STAM2: variants seen among roughly 807,000 people sequenced by gnomAD.
STAM2 encodes the protein signal transducing adapter molecule 2.
STAM2 carries 51 observed loss-of-function variants against 65.6 expected under a neutral mutation model. The ratio of observed to expected loss-of-function variants is 0.78; its 90% confidence interval spans 0.62 to 0.98. The LOEUF (loss-of-function observed/expected upper bound fraction) is 0.98. STAM2 is among the 50% of genes least tolerant of loss of function. STAM2 has a pLI of 0.00. For synonymous variants in STAM2, 198 were observed against 208.4 expected (o/e 0.95, Z 0.43); for missense variants, 584 against 617.8 (o/e 0.95, Z 0.58).
chr2:152,173,210 CAAA>C (rs200244856), intron 1 of STAM2, among the ~76,000 whole-genome samples: 1 of 117,504 alleles, frequency 8.5e-6, no homozygotes, highest in Non-Finnish European at 1.8e-5. Flanking sequence ...AAGGAATGAC[CAAA>C]AAAAAAAAAG....
Position 152,147,098 on chromosome 2 carries a change from T to C in STAM2, c.447+64A>G, listed in dbSNP as rs993597923. ...AATCTAGACATACCTTGCCTAGTCT[T>C]TACATAACATACATACCTTCAAAAT... On this transcript the variant is annotated intron_variant, in intron 5 of 13. Transcript: ENST00000263904. 18 of 1,445,878 alleles carry C rather than the reference T, an allele frequency of 1.2e-5. No homozygotes were observed. In the African/African-American group the frequency reaches 2.5e-4, roughly 20 times the overall value. The allele number at this position is 1,445,878 out of a possible 1,614,324, so 89.6% of individuals were successfully genotyped here. A position where few individuals can be genotyped will look rare whatever the true frequency, so the allele number is the denominator to read the frequency against.
chr2:152,146,032 G>C (rs1579322274), intron 5 of STAM2, among the ~76,000 whole-genome samples: 1 of 152,084 alleles, frequency 6.6e-6, no homozygotes, highest in African/African-American at 2.4e-5. Flanking sequence ...CACTTTGAGA[G>C]GTCGAGGCAG....
intron 11 of STAM2, 95 bp from the exon 12 acceptor site, chr2:152,126,474 A>G: frequency 1.3e-6 from 1 of 754,970 alleles, no homozygotes; most frequent in Non-Finnish European, 1.8e-6. Flanking sequence ...ATTTCTATTA[A>G]TATATTAAAA....
rs114051202 is a variant in STAM2 at position 152,166,166 on chromosome 2, T to A, written c.40+9437A>T. On this transcript the variant is annotated intron_variant, in intron 1 of 13. Transcript: ENST00000263904. ...TCCAGGCTGGGGGGCAGAGCAAGGC[T>A]CTGTCTCAAAAACAACAACAACAAC... 3.6e-3 allele frequency among the ~76,000 whole-genome samples: 528 copies of A among 148,100 alleles called. 3 individuals are homozygous for A. The highest frequency in any genetic ancestry group is 0.012 in the African/African-American group (475 of 41,166).
Position 152,120,767 on chromosome 2 carries a change from A to C in STAM2, c.1385T>G (p.Met462Arg). Residue 462 changes from methionine to arginine, a missense_variant, in exon 14 of 14, where the codon ATG becomes AGG. By Grantham distance (91) the Met-to-Arg change is moderately conservative. Transcript: ENST00000263904. ...GQDTVSNPTY[M>R]NQNSNLQSAT... ...TGACTGTAGGTTAGAGTTCTGGTTC[A>C]TATAAGTAGGATTGGAAACAGTGTC... 6.2e-7 allele frequency: 1 copy of C among 1,614,202 alleles called. No homozygotes were observed. Among genetic ancestry groups the C allele is most frequent in the Non-Finnish European group, 8.5e-7 (1 of 1,180,038 alleles).
chr2:152,155,951 G>A (rs187738783), intron 1 of STAM2, among the ~76,000 whole-genome samples: 199 of 152,294 alleles, frequency 1.3e-3, no homozygotes, highest in African/African-American at 4.6e-3. Context: ...TGAGGAGCCA[G>A]TATCATCAAT....
In STAM2 at chr2:152,132,242, A is replaced by G. The variant is rs141476955; in HGVS notation, c.971-74T>C. On this transcript the variant is annotated intron_variant, in intron 10 of 13. Coordinates refer to ENST00000263904, the MANE Select transcript of STAM2 (RefSeq NM_005843.6). Reference sequence around the variant, plus strand: ...GCCAATTTCAACAATTTTTAACAATATAGCACCAATATACAACACTATGCA... The same window carrying G: ...GCCAATTTCAACAATTTTTAACAATGTAGCACCAATATACAACACTATGCA... 612 of 1,055,408 alleles carry G rather than the reference A, an allele frequency of 5.8e-4. 9 individuals are homozygous for G. The East Asian group carries it at 0.014, about 24-fold the overall frequency. 65.4% of individuals were successfully genotyped at this position (1,055,408 alleles called of 1,614,324 possible).
At chr2:152,128,428 A>G (rs1689001178) in intron 11 of STAM2, among the ~76,000 whole-genome samples, 3 of 152,030 alleles carry the variant, frequency 2.0e-5, no homozygotes, top group Non-Finnish European at 4.4e-5. Flanking sequence ...AAAAAAAAAA[A>G]AAATCAGTTA....
chr2:152,129,042 G>A (rs1165541278), intron 11 of STAM2, among the ~76,000 whole-genome samples: 1 of 152,148 alleles, frequency 6.6e-6, no homozygotes, highest in Non-Finnish European at 1.5e-5. Context: ...CATAGAACAA[G>A]AAAAAATGCC....
chr2:152,173,374 A>G (rs1195071976), intron 1 of STAM2, among the ~76,000 whole-genome samples: 22 of 95,506 alleles, frequency 2.3e-4, no homozygotes, highest in African/African-American at 6.9e-4. Context: ...ATATATATAC[A>G]TATATATATA....
chr2:152,150,069 C>T (rs1689413373), intron 2 of STAM2, 76 bp downstream of exon 2: 2 of 997,014 alleles, frequency 2.0e-6, no homozygotes, highest in Non-Finnish European at 3.1e-6. Flanking sequence ...TCATTTTCCT[C>T]TCAAAGTTAC....
intron 7 of STAM2, among the ~76,000 whole-genome samples, chr2:152,141,992 T>A (rs1291399777): frequency 6.6e-6 from 1 of 152,182 alleles, no homozygotes; most frequent in Admixed American, 6.5e-5. Flanking sequence ...CACAAAAGTA[T>A]AAAAACAATG....
At chr2:152,133,581 AAT>A in intron 8 of STAM2, 97 bp from the exon 9 acceptor site, 1 of 850,406 alleles carries the variant, frequency 1.2e-6, no homozygotes, top group African/African-American at 1.7e-5. Flanking sequence ...AAGAAAAAAA[AAT>A]AAAAGTCCTT....
intron 11 of STAM2, among the ~76,000 whole-genome samples, chr2:152,129,698 A>G (rs1249086755): frequency 6.6e-6 from 1 of 152,232 alleles, no homozygotes; most frequent in Non-Finnish European, 1.5e-5. Context: ...AAAAATTAAA[A>G]AAAATTGTGT....
intron 5 of STAM2, 93 bp downstream of exon 5, chr2:152,147,069 T>C (rs550281369): frequency 8.0e-5 from 97 of 1,207,748 alleles, no homozygotes; most frequent in Non-Finnish European, 1.0e-4. Flanking sequence ...AGGTGGAAAA[T>C]GATAATCTAG....
intron 7 of STAM2, among the ~76,000 whole-genome samples, chr2:152,142,862 C>T (rs1342378376): frequency 6.6e-6 from 1 of 152,142 alleles, no homozygotes; most frequent in African/African-American, 2.4e-5. Flanking sequence ...TTCCCATCCT[C>T]AACTTCTTGC....
intron 7 of STAM2, among the ~76,000 whole-genome samples, chr2:152,141,370 C>T (rs566195431): frequency 2.6e-5 from 4 of 151,480 alleles, no homozygotes; most frequent in Non-Finnish European, 5.9e-5. Flanking sequence ...ACCCTCTCTA[C>T]TAAAAATACA....
chr2:152,174,689 T>C (rs947096929), intron 1 of STAM2, among the ~76,000 whole-genome samples: 5 of 152,080 alleles, frequency 3.3e-5, no homozygotes, highest in Admixed American at 2.0e-4. Flanking sequence ...TGTTAACTAC[T>C]GCTACAAAAA....
At chr2:152,123,335 G>GT (rs139310108) in intron 13 of STAM2, among the ~76,000 whole-genome samples, 7,685 of 152,174 alleles carry the variant, frequency 0.051, 562 homozygotes, top group African/African-American at 0.16. Context: ...TCTAGCCACT[G>GT]CACTCCAGCC....
Sources: gnomAD v4.1 joint callset for allele counts (sites outside exome capture counted in the v4.1 genomes callset) on GRCh38, gnomAD v4.1.1 for gene constraint, MANE v1.5 for transcripts, NCBI Gene and HGNC (gene_info 2026-07-23, HGNC 2026-07-21) for gene names.